The following MGRN1 variants were observed in gnomAD, a reference collection of about 807,000 sequenced individuals.
MGRN1 encodes the protein E3 ubiquitin-protein ligase MGRN1.
In MGRN1, 29 loss-of-function variants were observed where a neutral mutation model predicts 69.2. The ratio of observed to expected loss-of-function variants is 0.42; its 90% confidence interval spans 0.31 to 0.57. MGRN1 has a LOEUF of 0.57. MGRN1 is among the 20% of genes least tolerant of loss of function. The pLI is 0.15. For missense variants in MGRN1, 998 were observed against 796.2 expected (o/e 1.25, Z -3.05); for synonymous variants, 470 against 344.2 (o/e 1.37, Z -4.04).
At chr16:4,650,116 A>T (rs1262715304) in intron 1 of MGRN1, 1 of 351,636 alleles carries the variant, frequency 2.8e-6, no homozygotes, top group Non-Finnish European at 5.3e-6. Flanking sequence ...CATCCTGGCC[A>T]ATATGGTGAA....
intron 5 of MGRN1, among the ~76,000 whole-genome samples, chr16:4,660,643 C>T (rs989439258): frequency 2.0e-5 from 3 of 152,214 alleles, no homozygotes; most frequent in Admixed American, 2.0e-4. Flanking sequence ...CTCTGCCTCC[C>T]CCGTTTGGCT....
rs114252640 is a variant in MGRN1, at chr16:4,664,560, C to T, written c.562-149C>T. ...TAAAAAAGGTGCCAAGCCTGGCATC[C>T]GCCTTCCCTGCCATCTCGAGGCGTG... On this transcript the variant is annotated intron_variant, in intron 5 of 16. Transcript: ENST00000262370. The T allele has an allele frequency of 7.0e-4, 524 of 744,352 alleles. 3 individuals carry two copies. The African/African-American group carries it at 8.0e-3, about 11-fold the overall frequency. 46.1% of individuals were successfully genotyped at this position (744,352 alleles called of 1,614,324 possible).
chr16:4,628,465 A>G (rs963447839), intron 1 of MGRN1, among the ~76,000 whole-genome samples: 1 of 151,512 alleles, frequency 6.6e-6, no homozygotes, highest in African/African-American at 2.4e-5. Context: ...CCACAATTGC[A>G]GACATTTCCC....
At chr16:4,646,123 A>G (rs939854913) in intron 1 of MGRN1, among the ~76,000 whole-genome samples, 2 of 151,906 alleles carry the variant, frequency 1.3e-5, no homozygotes. Flanking sequence ...GCTCTGGCTC[A>G]CCATCACTCG....
chr16:4,655,024 CG>C (rs1230590507), intron 4 of MGRN1, among the ~76,000 whole-genome samples: 4 of 152,336 alleles, frequency 2.6e-5, no homozygotes, highest in African/African-American at 9.6e-5. Context: ...AATTCTTGGG[CG>C]TAGGAGCATT....
At position 4,663,077 on chromosome 16, in the gene MGRN1, T is replaced by G. The variant is rs557137064; in HGVS notation, c.562-1632T>G. 4.6e-5 allele frequency among the ~76,000 whole-genome samples: 7 copies of G among 152,342 alleles called. No individual in the cohort carries two copies. In the South Asian group the frequency reaches 1.5e-3, roughly 32 times the overall value. Reference sequence around the variant, plus strand: ...ATGTTTCATCCATATTTTGTTTTTGTTTTTGAGACGGAGTCTCACTGTGTC... The same window carrying G: ...ATGTTTCATCCATATTTTGTTTTTGGTTTTGAGACGGAGTCTCACTGTGTC... On this transcript the variant is annotated intron_variant, in intron 5 of 16. Transcript: ENST00000262370.
rs1053705549 is a variant in MGRN1 at position 4,688,988 on chromosome 16, C to T, written c.*80C>T. ...GGCTGCTCCGGACCCCGTTGTGAGC[C>T]GGCCTCCTGTCTGCATGCCCCCTGT... On this transcript the variant is annotated 3_prime_UTR_variant, in exon 17 of 17. Coordinates refer to ENST00000262370, the MANE Select transcript of MGRN1 (RefSeq NM_015246.4). 60 of 1,453,112 alleles carry T rather than the reference C, an allele frequency of 4.1e-5. No individual in the cohort carries two copies. Among genetic ancestry groups the T allele is most frequent in the Middle Eastern group, 2.4e-4 (1 of 4,246 alleles). 90.0% of individuals were successfully genotyped at this position (1,453,112 alleles called of 1,614,324 possible).
At position 4,657,251 on chromosome 16, in the gene MGRN1, G is replaced by C; in HGVS notation, c.449G>C (p.Ser150Thr). The C allele has an allele frequency of 6.2e-7, 1 of 1,613,834 alleles. No individual in the cohort carries two copies. The highest frequency in any genetic ancestry group is 8.5e-7 in the Non-Finnish European group (1 of 1,179,746). Residue 150 changes from serine to threonine, a missense_variant, in exon 5 of 17, where the codon AGC becomes ACC. Transcript: ENST00000262370. ...EEFLNGRAVYSPKSPSLQSET... is the reference protein window; with the variant it reads ...EEFLNGRAVYTPKSPSLQSET... ...TTGCTCCTGGCTCCCTGCAGATACA[G>C]CCCCAAGAGCCCCTCGCTACAGTCC...
intron 5 of MGRN1, among the ~76,000 whole-genome samples, chr16:4,658,026 G>A (rs1224892063): frequency 6.6e-6 from 1 of 151,588 alleles, no homozygotes; most frequent in Non-Finnish European, 1.5e-5. Flanking sequence ...ACAGGTGTGA[G>A]CCACCGTGCC....
At chr16:4,645,340 A>G (rs1043426901) in intron 1 of MGRN1, among the ~76,000 whole-genome samples, 13 of 152,140 alleles carry the variant, frequency 8.5e-5, no homozygotes, top group Admixed American at 2.6e-4. Flanking sequence ...CTAATTTTTA[A>G]GAATTTTTTG....
intron 8 of MGRN1, chr16:4,669,332 G>A (rs1048744609): frequency 9.9e-5 from 15 of 151,468 alleles, no homozygotes; most frequent in African/African-American, 3.6e-4. Flanking sequence ...AACTCAGGAG[G>A]ATGAGGTAGG....
chr16:4,688,152 C>CT (rs1172969246), intron 16 of MGRN1: 1 of 985,544 alleles, frequency 1.0e-6, no homozygotes, highest in Non-Finnish European at 1.2e-6. Flanking sequence ...TGTGTCAGGG[C>CT]TGGTGGCTGG....
At chr16:4,644,802 C>A (rs1297624336) in intron 1 of MGRN1, among the ~76,000 whole-genome samples, 2 of 152,102 alleles carry the variant, frequency 1.3e-5, no homozygotes, top group African/African-American at 4.8e-5. Flanking sequence ...AATTCACTTA[C>A]CATGGGGACA....
intron 8 of MGRN1, chr16:4,669,229 T>G (rs2078884884): frequency 6.6e-6 from 1 of 151,996 alleles, no homozygotes; most frequent in African/African-American, 2.4e-5. Flanking sequence ...AGCCCAGGAG[T>G]TTGATATCAG....
chr16:4,681,190 GC>G (rs1370871716), intron 12 of MGRN1, among the ~76,000 whole-genome samples: 1 of 152,216 alleles, frequency 6.6e-6, no homozygotes, highest in East Asian at 1.9e-4. Context: ...GCATGGCTTT[GC>G]TCTGCCCCCG....
At position 4,653,782 on chromosome 16, in the gene MGRN1, C is replaced by T. The variant is rs967563302; in HGVS notation, c.443+958C>T. ...TTTGTTTGTTTTTGAGACAGAGTTT[C>T]GCTCTTGTTGCCCAGGCTGGAGTGC... On this transcript the variant is annotated intron_variant, in intron 4 of 16. Transcript: ENST00000262370. Among the ~76,000 whole-genome samples, 8 of 147,264 alleles carry T rather than the reference C, an allele frequency of 5.4e-5. No individual in the cohort carries two copies. The East Asian group carries it at 1.0e-3, about 19-fold the overall frequency.
chr16:4,663,365 G>GTTTTTTTTTTTT (rs1183914569), intron 5 of MGRN1, among the ~76,000 whole-genome samples: 2 of 61,826 alleles, frequency 3.2e-5, no homozygotes, highest in Non-Finnish European at 6.0e-5. Context: ...ACCTGGCCTT[G>GTTTTTTTTTTTT]TTTTTTTTTT....
At position 4,680,096 on chromosome 16, in the gene MGRN1, C is replaced by T; in HGVS notation, c.1130C>T (p.Thr377Ile). ...SLASKKPKRE[T>I]NSDSVPPGYE... is the part of the protein sequence containing the mutation. ...GCCAGCAAGAAACCTAAAAGGGAAACAGTAAGTGTCTGGTCCTCCGGCTAC... is the reference window on the plus strand; with the variant it reads ...GCCAGCAAGAAACCTAAAAGGGAAATAGTAAGTGTCTGGTCCTCCGGCTAC... Residue 377 changes from threonine (T) to isoleucine (I), a missense_variant and splice_region_variant, in exon 12 of 17, where the codon ACA (threonine) becomes ATA (isoleucine). Coordinates refer to ENST00000262370, the MANE Select transcript of MGRN1 (RefSeq NM_015246.4). 1 of 1,613,906 alleles carries T rather than the reference C, an allele frequency of 6.2e-7. No homozygotes were observed. Among genetic ancestry groups the T allele is most frequent in the Non-Finnish European group, 8.5e-7 (1 of 1,179,852 alleles).
chr16:4,642,581 C>T (rs959240488), intron 1 of MGRN1, among the ~76,000 whole-genome samples: 1 of 152,038 alleles, frequency 6.6e-6, no homozygotes, highest in African/African-American at 2.4e-5. Flanking sequence ...GCCTCGGCCT[C>T]CCAAAGTGCT....
Sources: gnomAD v4.1 joint callset for allele counts (sites outside exome capture counted in the v4.1 genomes callset) on GRCh38, gnomAD v4.1.1 for gene constraint, MANE v1.5 for transcripts, NCBI Gene and HGNC (gene_info 2026-07-23, HGNC 2026-07-21) for gene names.